MIER1: variants seen among roughly 807,000 people sequenced by gnomAD.
MIER1 encodes the protein mesoderm induction early response protein 1.
In MIER1, 40 loss-of-function variants were observed where a neutral mutation model predicts 75.7. The observed-to-expected ratio is 0.53, with a 90% confidence interval of 0.41 to 0.69. The LOEUF (loss-of-function observed/expected upper bound fraction) is 0.69. Among genes scored for constraint, MIER1 ranks in the 30% least tolerant of loss-of-function variants. The probability of loss-of-function intolerance (pLI) is 0.00; values close to 1 mark genes in which losing one functional copy is unlikely to be tolerated. For synonymous variants in MIER1, 213 were observed against 223.4 expected (o/e 0.95, Z 0.42); for missense variants, 574 against 680.2 (o/e 0.84, Z 1.74).
At chr1:66,938,461 G>C (rs1655433367) in intron 2 of MIER1, among the ~76,000 whole-genome samples, 1 of 152,138 alleles carries the variant, frequency 6.6e-6, no homozygotes, top group Admixed American at 6.5e-5. Context: ...AGAGAAGATT[G>C]TGCCTACAGT....
intron 1 of MIER1, chr1:66,925,519 C>T (rs2100967032): frequency 1.0e-6 from 1 of 985,478 alleles, no homozygotes; most frequent in East Asian, 1.1e-4. Flanking sequence ...CTCTCGCTTG[C>T]ACTGCAGCCT....
At chr1:66,932,455 G>A (rs767254428) in intron 2 of MIER1, among the ~76,000 whole-genome samples, 69 of 152,104 alleles carry the variant, frequency 4.5e-4, no homozygotes, top group Non-Finnish European at 7.1e-4. Flanking sequence ...CGTGATCTGT[G>A]TCCTACAAAA....
intron 8 of MIER1, among the ~76,000 whole-genome samples, chr1:66,966,063 TC>T (rs1662324079): frequency 6.6e-6 from 1 of 152,116 alleles, no homozygotes; most frequent in Non-Finnish European, 1.5e-5. Context: ...TACTTTAAGT[TC>T]TAGGGTACAT....
chr1:66,968,702 G>A (rs993577838), intron 8 of MIER1, among the ~76,000 whole-genome samples: 4 of 152,122 alleles, frequency 2.6e-5, no homozygotes, highest in African/African-American at 9.7e-5. Context: ...TTCCAGGCAT[G>A]CTCCTTTGGA....
intron 12 of MIER1, among the ~76,000 whole-genome samples, chr1:66,977,215 T>G (rs189609237): frequency 6.6e-6 from 1 of 152,236 alleles, no homozygotes; most frequent in African/African-American, 2.4e-5. Flanking sequence ...CTTCAAGCGA[T>G]TGTCCTGCCT....
chr1:66,941,151 A>T (rs1322621336), intron 3 of MIER1, among the ~76,000 whole-genome samples: 1 of 152,142 alleles, frequency 6.6e-6, no homozygotes, highest in Non-Finnish European at 1.5e-5. Context: ...GAATCACTGG[A>T]CTCTGAGGGT....
intron 4 of MIER1, among the ~76,000 whole-genome samples, chr1:66,955,394 C>G (rs549383097): frequency 2.4e-5 from 3 of 123,116 alleles, no homozygotes; most frequent in African/African-American, 9.3e-5. Flanking sequence ...TCACTGGAGA[C>G]TTACTAGGTC....
chr1:66,959,018 T>G, intron 6 of MIER1, 35 bp downstream of exon 6: 1 of 1,571,216 alleles, frequency 6.4e-7, no homozygotes, highest in Non-Finnish European at 8.7e-7. Flanking sequence ...TTGAATATAA[T>G]TTTTACTATT....
intron 4 of MIER1, among the ~76,000 whole-genome samples, chr1:66,954,237 CG>C (rs1489699498): frequency 1.3e-5 from 2 of 152,194 alleles, no homozygotes; most frequent in African/African-American, 4.8e-5. Context: ...CCTAAGTTCA[CG>C]TTGAGTGTTT....
At chr1:66,925,187 C>A in intron 1 of MIER1, 92 bp downstream of exon 1, 1 of 1,466,296 alleles carries the variant, frequency 6.8e-7, no homozygotes, top group East Asian at 2.7e-5. Flanking sequence ...TTCTCTCCTT[C>A]CCCTCCCCCA....
At chr1:66,936,592 G>C (rs953862053) in intron 2 of MIER1, among the ~76,000 whole-genome samples, 3 of 151,898 alleles carry the variant, frequency 2.0e-5, no homozygotes, top group African/African-American at 7.3e-5. Flanking sequence ...AGATGTTGTG[G>C]GTTCTCCAGG....
At chr1:66,968,529 C>A (rs574894029) in intron 8 of MIER1, among the ~76,000 whole-genome samples, 2 of 151,942 alleles carry the variant, frequency 1.3e-5, no homozygotes, top group African/African-American at 2.4e-5. Context: ...TTCATTGATA[C>A]GTGGAAACCT....
At chr1:66,963,356 G>A (rs1232616065) in intron 8 of MIER1, among the ~76,000 whole-genome samples, 196 bp downstream of exon 8, 1 of 152,092 alleles carries the variant, frequency 6.6e-6, no homozygotes, top group Non-Finnish European at 1.5e-5. Context: ...TTGGTCTATA[G>A]AAGCCTAGCC....
chr1:66,925,371 T>G, intron 1 of MIER1: 1 of 985,312 alleles, frequency 1.0e-6, no homozygotes, highest in Non-Finnish European at 1.2e-6. Flanking sequence ...GCGCTGGGAA[T>G]CCGCTGCGGA....
In MIER1 at chr1:66,928,865, C is replaced by G. The variant is rs761922709; in HGVS notation, c.168+2623C>G. ...GAACCTTAAAGTTTTCCTTTCTCTT[C>G]TTTCCCTTGCTTTTCTTTCAGTAGA... On this transcript the variant is annotated intron_variant, in intron 2 of 13. Transcript: ENST00000401041. 75 of 1,549,106 alleles carry G rather than the reference C, an allele frequency of 4.8e-5. 1 individual carries two copies. The highest frequency in any genetic ancestry group is 8.8e-7 in the Non-Finnish European group (1 of 1,132,614).
At chr1:66,943,711 C>T (rs1013153679) in intron 3 of MIER1, among the ~76,000 whole-genome samples, 4 of 152,104 alleles carry the variant, frequency 2.6e-5, no homozygotes, top group African/African-American at 4.8e-5. Flanking sequence ...TGAGCCACTG[C>T]GCCTGGCCTA....
At chr1:66,940,185 G>T in intron 3 of MIER1, 133 bp downstream of exon 3, 16 of 495,822 alleles carry the variant, frequency 3.2e-5, no homozygotes, top group Non-Finnish European at 4.3e-5. Context: ...TGGGGAAAAA[G>T]AAATGGATGA....
At chr1:66,929,266 G>T in intron 2 of MIER1, 1 of 348,792 alleles carries the variant, frequency 2.9e-6, no homozygotes, top group Non-Finnish European at 5.4e-6. Flanking sequence ...GATTTTGGTA[G>T]CCACTTTTGA....
intron 2 of MIER1, among the ~76,000 whole-genome samples, chr1:66,929,803 AT>A (rs1652644821): frequency 6.6e-6 from 1 of 152,194 alleles, no homozygotes; most frequent in Admixed American, 6.5e-5. Context: ...CCTGTCGGGA[AT>A]CTACTGATGG....
Sources: gnomAD v4.1 joint callset for allele counts (sites outside exome capture counted in the v4.1 genomes callset) on GRCh38, gnomAD v4.1.1 for gene constraint, MANE v1.5 for transcripts, NCBI Gene and HGNC (gene_info 2026-07-23, HGNC 2026-07-21) for gene names.